Variants in RBPJ observed in about 807,000 individuals in gnomAD.
The protein encoded by RBPJ is recombining binding protein suppressor of hairless.
Under a neutral mutation model 67.8 loss-of-function variants are expected in RBPJ, and 9 were observed. The observed-to-expected ratio is 0.13, with a 90% CI of 0.08 to 0.23. RBPJ has a LOEUF of 0.23. Ranked by LOEUF, RBPJ falls within the 10% of genes least tolerant of loss-of-function variation. The probability of loss-of-function intolerance (pLI) is 1.00; values close to 1 mark genes in which losing one functional copy is unlikely to be tolerated. For synonymous variants in RBPJ, 198 were observed against 203.3 expected, an observed-to-expected ratio of 0.97 and a Z score of 0.22; for missense variants, 305 against 595.6, an observed-to-expected ratio of 0.51 and a Z score of 5.08.
At position 26,275,183 on chromosome 4, in the gene RBPJ, G is replaced by A. The variant is rs191412733; in HGVS notation, c.-166-87263G>A. On this transcript the variant is annotated intron_variant, in intron 1 of 4. Transcript: ENST00000512351. ...ACCCAAGGTCACACAGAGGGAAAGT[G>A]AGAGACGGCATCAAGGTGTGGAACC... 1.3e-5 allele frequency among the ~76,000 whole-genome samples: 2 copies of A among 152,318 alleles called. 1 individual carries two copies.
At position 26,294,332 on chromosome 4, in the gene RBPJ, T is replaced by C. The variant is rs138964853; in HGVS notation, c.-166-68114T>C. On this transcript the variant is annotated intron_variant, in intron 1 of 4. Transcript: ENST00000512351. The stretch of plus-strand genomic sequence containing the variant: ...CAGGCTAGTCTTGAACTCCTGACCT[T>C]GTGATCCACCCGCCTTGGCCTCCCA... 5.3e-3 allele frequency among the ~76,000 whole-genome samples: 793 copies of C among 150,814 alleles called. 9 individuals carry two copies. The highest frequency in any genetic ancestry group is 0.019 in the African/African-American group (765 of 41,052).
At chr4:26,162,906 G>A (rs1439077005), upstream of RBPJ, among the ~76,000 whole-genome samples, 1 of 151,848 alleles carries the variant, frequency 6.6e-6, no homozygotes, top group East Asian at 1.9e-4. Context: ...TGTTATAGAT[G>A]GTTGTCACCA....
chr4:26,192,685 C>G (rs994688356), intron 1 of RBPJ, among the ~76,000 whole-genome samples: 1 of 152,176 alleles, frequency 6.6e-6, no homozygotes, highest in Admixed American at 6.6e-5. Flanking sequence ...ACACAGCATG[C>G]AAACCCGGGA....
chr4:26,315,167 A>AAAAAAAAAAATATATATATAT (rs1325689348), upstream of RBPJ, among the ~76,000 whole-genome samples: 2 of 74,774 alleles, frequency 2.7e-5, no homozygotes, highest in African/African-American at 6.7e-5. Context: ...AAAAAAAAAA[A>AAAAAAAAAAATATATATATAT]ATATATATAT....
chr4:26,124,273 A>G, the RBPJ span, among the ~76,000 whole-genome samples: 1 of 151,558 alleles, frequency 6.6e-6, no homozygotes, highest in African/African-American at 2.4e-5. Flanking sequence ...CTCATAGCTT[A>G]GCTCCCACTT....
chr4:26,390,846 G>T (rs1050481174), intron 2 of RBPJ, among the ~76,000 whole-genome samples: 2 of 152,300 alleles, frequency 1.3e-5, no homozygotes, highest in East Asian at 3.9e-4. Flanking sequence ...CTTAAGGCTA[G>T]GAGTTTGAAA....
At chr4:26,114,895 A>G in the RBPJ span, among the ~76,000 whole-genome samples, 1 of 152,350 alleles carries the variant, frequency 6.6e-6, no homozygotes, top group Admixed American at 6.5e-5. Flanking sequence ...ACACAAACTT[A>G]CTATTATATT....
At chr4:26,294,078 GTTTTTGTTTTTGTTT>G (rs1169487055) in intron 1 of RBPJ, among the ~76,000 whole-genome samples, 15 of 33,032 alleles carry the variant, frequency 4.5e-4, no homozygotes, top group Non-Finnish European at 1.1e-3. Context: ...TTTTGTTTTT[GTTTTTGTTTTTGTTT>G]TTGTTTTTGT....
chr4:26,314,827 C>A (rs1318608832), upstream of RBPJ, among the ~76,000 whole-genome samples: 1 of 152,078 alleles, frequency 6.6e-6, no homozygotes, highest in East Asian at 1.9e-4. Context: ...GATGTTATAT[C>A]CATTTTCACT....
chr4:26,230,879 G>C (rs771328388), intron 1 of RBPJ, among the ~76,000 whole-genome samples: 1 of 152,106 alleles, frequency 6.6e-6, no homozygotes, highest in Non-Finnish European at 1.5e-5. Context: ...GTGTGATGAA[G>C]TATATCCACT....
rs1415239525 is a variant in RBPJ at position 26,255,192 on chromosome 4, C to A, written c.-167+91578C>A. 5.1e-4 allele frequency among the ~76,000 whole-genome samples: 73 copies of A among 143,612 alleles called. 2 individuals are homozygous for A. Among genetic ancestry groups the A allele is most frequent in the African/African-American group, 1.8e-3 (70 of 38,086 alleles). 94.2% of individuals were successfully genotyped at this position (143,612 alleles called of 152,430 possible). A position where few individuals can be genotyped will look rare whatever the true frequency, so the allele number is the denominator to read the frequency against. ...GGCCAAGGCGGGTGGATCACGAGGT[C>A]AGGAGATCGGGACCATCCTGGCTAA... On this transcript the variant is annotated intron_variant, in intron 1 of 4. Transcript: ENST00000512351.
intron 1 of RBPJ, among the ~76,000 whole-genome samples, chr4:26,258,018 CT>C (rs1720400659): frequency 6.6e-6 from 1 of 152,210 alleles, no homozygotes; most frequent in Admixed American, 6.5e-5. Flanking sequence ...TAGATTATTT[CT>C]GCAGAAAGAG....
At chr4:26,254,211 T>C (rs1720216764) in intron 1 of RBPJ, among the ~76,000 whole-genome samples, 2 of 148,786 alleles carry the variant, frequency 1.3e-5, no homozygotes, top group South Asian at 4.1e-4. Flanking sequence ...TCAAATCATG[T>C]CACAGCCCGC....
intron 1 of RBPJ, among the ~76,000 whole-genome samples, chr4:26,237,122 C>T (rs990425842): frequency 5.9e-5 from 9 of 152,066 alleles, no homozygotes; most frequent in African/African-American, 2.2e-4. Context: ...GCTGGTTGGC[C>T]CTGGCAGACT....
At chr4:26,122,261 A>G in the RBPJ span, among the ~76,000 whole-genome samples, 2 of 152,208 alleles carry the variant, frequency 1.3e-5, no homozygotes, top group Admixed American at 6.5e-5. Flanking sequence ...AGATCAAGCC[A>G]TATCTGATGT....
chr4:26,303,120 G>A (rs906643144), intron 1 of RBPJ, among the ~76,000 whole-genome samples: 11 of 151,460 alleles, frequency 7.3e-5, no homozygotes, highest in Non-Finnish European at 1.3e-4. Flanking sequence ...GGTGGAGGCT[G>A]CAGTGAGCTG....
intron 1 of RBPJ, among the ~76,000 whole-genome samples, chr4:26,193,320 CAACAA>C (rs1421846662): frequency 6.6e-6 from 1 of 152,186 alleles, no homozygotes; most frequent in African/African-American, 2.4e-5. Context: ...TTGCCCAGAG[CAACAA>C]GGAGGCTCTT....
intron 1 of RBPJ, among the ~76,000 whole-genome samples, chr4:26,240,055 T>C (rs1196781783): frequency 6.6e-6 from 1 of 152,168 alleles, no homozygotes; most frequent in Non-Finnish European, 1.5e-5. Flanking sequence ...CAAAGTTCCG[T>C]GTGAGCAAAA....
chr4:26,358,850 C>T (rs1011714460), intron 1 of RBPJ, among the ~76,000 whole-genome samples: 7 of 152,064 alleles, frequency 4.6e-5, no homozygotes, highest in South Asian at 4.1e-4. Flanking sequence ...TGCCCATTAT[C>T]CCAGTTCACT....
Sources: gnomAD v4.1 joint callset for allele counts (sites outside exome capture counted in the v4.1 genomes callset) on GRCh38, gnomAD v4.1.1 for gene constraint, MANE v1.5 for transcripts, NCBI Gene and HGNC (gene_info 2026-07-23, HGNC 2026-07-21) for gene names.